ACO2: variants seen among roughly 807,000 people sequenced by gnomAD.
ACO2 encodes aconitase 2, also known as aconitate hydratase, mitochondrial.
ACO2 carries 31 observed loss-of-function variants against 84.5 expected under a neutral mutation model. The ratio of observed to expected loss-of-function variants is 0.37; its 90% CI spans 0.28 to 0.50. The LOEUF (loss-of-function observed/expected upper bound fraction) is 0.50. Ranked by LOEUF, ACO2 falls within the 20% of genes least tolerant of loss-of-function variation. ACO2 has a pLI of 0.97. For synonymous variants in ACO2, 414 were observed against 412.7 expected (o/e 1.00, Z -0.04); for missense variants, 685 against 1,029.3 (o/e 0.67, Z 4.58).
intron 10 of ACO2, 82 bp downstream of exon 10, chr22:41,523,069 T>TGGGCCG: frequency 2.5e-6 from 4 of 1,581,708 alleles, no homozygotes; most frequent in Non-Finnish European, 2.6e-6. Flanking sequence ...AGAGGCCTGT[T>TGGGCCG]GGGCCGGGGC....
At chr22:41,523,418 C>A (rs576480036) in intron 11 of ACO2, 140 bp downstream of exon 11, 234 of 685,806 alleles carry the variant, frequency 3.4e-4, no homozygotes, top group African/African-American at 3.4e-3. Flanking sequence ...CCATTAGAAG[C>A]CTCTGGCAGA....
At chr22:41,526,811 G>A (rs766749433) in intron 15 of ACO2, 6 of 315,426 alleles carry the variant, frequency 1.9e-5, no homozygotes, top group Non-Finnish European at 3.5e-5. Flanking sequence ...GGTCTGAGGT[G>A]ATTGGACTTT....
At chr22:41,509,099 G>C (rs1006560732) in intron 3 of ACO2, among the ~76,000 whole-genome samples, 1 of 152,170 alleles carries the variant, frequency 6.6e-6, no homozygotes, top group Non-Finnish European at 1.5e-5. Context: ...ACACTGGTGG[G>C]GGTAATAATG....
At chr22:41,497,138 G>A (rs553491687) in intron 1 of ACO2, among the ~76,000 whole-genome samples, 11 of 151,572 alleles carry the variant, frequency 7.3e-5, no homozygotes, top group Admixed American at 7.2e-4. Context: ...GGGTGATCTT[G>A]GCTCACTGCA....
chr22:41,524,748 C>T (rs991686417), intron 12 of ACO2, 98 bp from the exon 13 acceptor site: 3 of 1,569,340 alleles, frequency 1.9e-6, no homozygotes, highest in Admixed American at 1.7e-5. Flanking sequence ...TGGAAATTTC[C>T]TGGGTTCCTT....
At chr22:41,478,966 C>G (rs1195225009) in intron 1 of ACO2, among the ~76,000 whole-genome samples, 8 of 151,984 alleles carry the variant, frequency 5.3e-5, no homozygotes, top group African/African-American at 1.9e-4. Context: ...TTCTTTAGTT[C>G]CTTGTAGCCG....
intron 1 of ACO2, among the ~76,000 whole-genome samples, chr22:41,495,290 C>T (rs1217897891): frequency 6.6e-6 from 1 of 152,224 alleles, no homozygotes; most frequent in South Asian, 2.1e-4. Context: ...GCCTCAGCCT[C>T]CCAAAGTGTT....
chr22:41,487,924 A>T (rs538347582), intron 1 of ACO2, among the ~76,000 whole-genome samples: 1 of 152,128 alleles, frequency 6.6e-6, no homozygotes, highest in South Asian at 2.1e-4. Context: ...TCCTTCTCTC[A>T]CACCCCTTGG....
intron 1 of ACO2, among the ~76,000 whole-genome samples, chr22:41,497,418 A>G (rs2066322275): frequency 1.3e-5 from 2 of 151,954 alleles, no homozygotes; most frequent in South Asian, 2.1e-4. Flanking sequence ...GTAACAAGGT[A>G]CCCTTGAAGG....
intron 6 of ACO2, 196 bp downstream of exon 6, chr22:41,516,113 G>A: frequency 1.4e-6 from 1 of 725,654 alleles, no homozygotes; most frequent in South Asian, 1.7e-5. Context: ...TTAAACAGAT[G>A]AAGAGATTGA....
At chr22:41,478,748 C>A (rs2038049879) in intron 1 of ACO2, among the ~76,000 whole-genome samples, 1 of 151,364 alleles carries the variant, frequency 6.6e-6, no homozygotes, top group African/African-American at 2.4e-5. Flanking sequence ...CCCGCCCTGT[C>A]CCTGCCACAT....
chr22:41,526,457 G>A lies in ACO2; in HGVS notation c.1953+4G>A. 6.2e-7 allele frequency: 1 copy of A among 1,609,110 alleles called. No homozygotes were observed. ...TGACACTGCCCGCTACTACAAGGTGGGTCAGAGTTGATAGGGGCAATGCCA... is the reference window on the plus strand; with the variant it reads ...TGACACTGCCCGCTACTACAAGGTGAGTCAGAGTTGATAGGGGCAATGCCA... On this transcript the variant is annotated splice_donor_region_variant and intron_variant, in intron 15 of 17. Transcript: ENST00000216254.
intron 3 of ACO2, among the ~76,000 whole-genome samples, chr22:41,511,415 G>A (rs1375731638): frequency 2.0e-5 from 3 of 152,184 alleles, no homozygotes; most frequent in Non-Finnish European, 4.4e-5. Context: ...CAAGTGATCT[G>A]CCTGCCTCAG....
intron 9 of ACO2, 48 bp from the exon 10 acceptor site, chr22:41,522,782 C>T (rs1293763360): frequency 1.3e-6 from 2 of 1,595,708 alleles, no homozygotes; most frequent in Non-Finnish European, 1.7e-6. Flanking sequence ...GAGACCTCTG[C>T]TCACTGTCTC....
intron 1 of ACO2, among the ~76,000 whole-genome samples, chr22:41,497,974 T>A (rs547812386): frequency 6.6e-6 from 1 of 151,976 alleles, no homozygotes; most frequent in African/African-American, 2.4e-5. Context: ...TGAAACCCTG[T>A]CTCTATTAAA....
chr22:41,493,925 G>A (rs937747419), intron 1 of ACO2, among the ~76,000 whole-genome samples: 8 of 152,154 alleles, frequency 5.3e-5, no homozygotes, highest in African/African-American at 1.7e-4. Flanking sequence ...CAGGTGTGGT[G>A]GCACATGCCT....
chr22:41,525,137 T>A, intron 13 of ACO2, 56 bp from the exon 14 acceptor site: 1 of 1,600,756 alleles, frequency 6.2e-7, no homozygotes, highest in Non-Finnish European at 8.5e-7. Flanking sequence ...TCTGAGAGTC[T>A]GTCCTTGTGG....
chr22:41,513,989 G>C (rs2146122746), intron 4 of ACO2, among the ~76,000 whole-genome samples: 1 of 144,234 alleles, frequency 6.9e-6, no homozygotes, highest in South Asian at 2.1e-4. Context: ...CCCGAATTCT[G>C]TGTGCCCAGC....
At chr22:41,479,637 C>CA (rs1160209810) in intron 1 of ACO2, among the ~76,000 whole-genome samples, 3 of 152,172 alleles carry the variant, frequency 2.0e-5, no homozygotes, top group Non-Finnish European at 4.4e-5. Flanking sequence ...GTGATTGTCT[C>CA]CTGCCCTAAA....
Sources: gnomAD v4.1 joint callset for allele counts (sites outside exome capture counted in the v4.1 genomes callset) on GRCh38, gnomAD v4.1.1 for gene constraint, MANE v1.5 for transcripts, NCBI Gene and HGNC (gene_info 2026-07-23, HGNC 2026-07-21) for gene names.